FBXO10: variants seen among roughly 807,000 people sequenced by gnomAD.
FBXO10 encodes F-box only protein 10.
A neutral mutation model predicts 80.7 loss-of-function variants in FBXO10; 39 were observed. That is an observed-to-expected ratio of 0.48 (90% confidence interval 0.37 to 0.63). The LOEUF is 0.63. Ranked by LOEUF, FBXO10 falls within the 30% of genes least tolerant of loss-of-function variation. FBXO10 has a pLI of 0.00. For synonymous variants in FBXO10, 449 were observed against 489.6 expected (o/e 0.92, Z 1.09); for missense variants, 1,025 against 1,269.0 (o/e 0.81, Z 2.92).
intron 1 of FBXO10, among the ~76,000 whole-genome samples, chr9:37,565,144 A>T (rs1822572099): frequency 6.6e-6 from 1 of 152,064 alleles, no homozygotes; most frequent in South Asian, 2.1e-4. Context: ...GCTTGCACTC[A>T]TCTCTCTCCT....
In FBXO10 at chr9:37,541,573, C is replaced by A; in HGVS notation, c.196G>T (p.Val66Leu). 1 of 1,613,790 alleles carries A rather than the reference C, an allele frequency of 6.2e-7. No homozygotes were observed. The change falls in exon 2 of 11, where the codon GTG becomes TTG. Residue 66 changes from valine to leucine, a missense_variant. By Grantham distance (32) the Val-to-Leu change is conservative. This residue lies in a region of FBXO10 where 450 missense variants were observed against 499.4 expected (regional missense o/e 0.90). Transcript: ENST00000432825. ...GCTTCTCTCCAAGACTCAGGCTCCA[C>A]ATCTGGCTGGTTGGGCCAATTGGGA... ...RHPNWPNQPDVEPESWREAFK... is the reference protein window; with the variant it reads ...RHPNWPNQPDLEPESWREAFK...
rs903788290 is a variant in FBXO10 at position 37,537,092 on chromosome 9, C to T, written c.1419+18G>A. 6.3e-7 allele frequency: 1 copy of T among 1,576,866 alleles called. No individual in the cohort carries two copies. The highest frequency in any genetic ancestry group is 8.7e-7 in the Non-Finnish European group (1 of 1,155,276). ...TAGCCACAGGAGCCCCCTGACCAAT[C>T]TAAAGTCATGACAGCACCTTGCTAT... On this transcript the variant is annotated intron_variant, in intron 3 of 10. Transcript: ENST00000432825.
intron 6 of FBXO10, among the ~76,000 whole-genome samples, chr9:37,524,737 A>G (rs1821425672): frequency 6.6e-6 from 1 of 152,134 alleles, no homozygotes; most frequent in African/African-American, 2.4e-5. Context: ...TTAAGCTAAG[A>G]CCCAAAGGAT....
intron 8 of FBXO10, 113 bp downstream of exon 8, chr9:37,521,456 A>G (rs992785476): frequency 1.7e-5 from 22 of 1,300,152 alleles, no homozygotes; most frequent in Non-Finnish European, 2.1e-5. Flanking sequence ...CATCTTTGAC[A>G]TTAAAGTTTA....
intron 8 of FBXO10, among the ~76,000 whole-genome samples, chr9:37,520,439 AT>A (rs1231652083): frequency 1.3e-5 from 2 of 148,496 alleles, no homozygotes; most frequent in Non-Finnish European, 3.0e-5. Context: ...GGCTCAAGCG[AT>A]CCCCCCGCCT....
intron 10 of FBXO10, among the ~76,000 whole-genome samples, 157 bp from the exon 11 acceptor site, chr9:37,512,878 TG>T (rs1190874860): frequency 6.6e-6 from 1 of 152,176 alleles, no homozygotes; most frequent in Non-Finnish European, 1.5e-5. Context: ...TCCAAAGAGG[TG>T]GGCTGTTGAG....
At chr9:37,553,012 T>TTG (rs74171513) in intron 1 of FBXO10, among the ~76,000 whole-genome samples, 8,793 of 144,368 alleles carry the variant, frequency 0.061, 255 homozygotes, top group Middle Eastern at 0.16. Context: ...CCAATTCAGG[T>TTG]TGTGTGTGTG....
At position 37,545,233 on chromosome 9, in the gene FBXO10, G is replaced by C. The variant is rs1302636131; in HGVS notation, c.-6-3459C>G. On this transcript the variant is annotated intron_variant, in intron 1 of 10. Transcript: ENST00000432825. The stretch of plus-strand genomic sequence containing the variant: ...ACTCTACCACCCAGACTGGAGTGCA[G>C]TGGTGCGATCTCGGCTCACTGCAAC... Among the ~76,000 whole-genome samples the C allele has an allele frequency of 3.8e-5, 5 of 132,090 alleles. No individual in the cohort carries two copies. In the East Asian group the frequency reaches 1.0e-3, roughly 27 times the overall value. The allele number at this position is 132,090 out of a possible 152,430, so 86.7% of individuals were successfully genotyped here.
chr9:37,575,860 G>A (rs777326688), intron 1 of FBXO10, among the ~76,000 whole-genome samples: 11 of 152,170 alleles, frequency 7.2e-5, no homozygotes, highest in Non-Finnish European at 1.2e-4. Flanking sequence ...CCCATCCCAA[G>A]AGTCAGCTTC....
At chr9:37,527,821 A>G (rs1331867894) in intron 5 of FBXO10, among the ~76,000 whole-genome samples, 1 of 152,228 alleles carries the variant, frequency 6.6e-6, no homozygotes, top group Non-Finnish European at 1.5e-5. Flanking sequence ...TCTTCTGTTC[A>G]GGCAATAATG....
At chr9:37,513,318 C>A (rs1821109562) in intron 10 of FBXO10, among the ~76,000 whole-genome samples, 1 of 152,132 alleles carries the variant, frequency 6.6e-6, no homozygotes, top group African/African-American at 2.4e-5. Flanking sequence ...CATTTCTTTT[C>A]AGCTCTATGA....
chr9:37,519,097 GAC>G (rs1821261572), intron 8 of FBXO10, among the ~76,000 whole-genome samples: 2 of 152,032 alleles, frequency 1.3e-5, no homozygotes, highest in Admixed American at 6.5e-5. Flanking sequence ...TTTTAGTAGA[GAC>G]ATGGTTTCAC....
In FBXO10 at chr9:37,523,094, C is replaced by T. The variant is rs1821382742; in HGVS notation, c.1778-117G>A. 2.6e-6 allele frequency: 3 copies of T among 1,155,854 alleles called. No homozygotes were observed. In the South Asian group the frequency reaches 4.6e-5, roughly 18 times the overall value. The allele number at this position is 1,155,854 out of a possible 1,614,324, so 71.6% of individuals were successfully genotyped here. On this transcript the variant is annotated intron_variant, in intron 6 of 10. Coordinates refer to ENST00000432825, the MANE Select transcript of FBXO10 (RefSeq NM_012166.3). ...CAGACCAGAAGGCCCTGGCCTTACC[C>T]TGCCAGCAATTAGCACTGTAAATCT...
In FBXO10 at chr9:37,527,735, G is replaced by A. The variant is rs979823543; in HGVS notation, c.1706+1389C>T. Among the ~76,000 whole-genome samples the A allele has an allele frequency of 3.3e-5, 5 of 152,144 alleles. No homozygotes were observed. The South Asian group carries it at 6.2e-4, about 19-fold the overall frequency. Reference sequence around the variant, plus strand: ...GGCAGGGACTGTTCTTGTACATGTTGTATATCACTGCCCCCTTATATAGAG... The same window carrying A: ...GGCAGGGACTGTTCTTGTACATGTTATATATCACTGCCCCCTTATATAGAG... On this transcript the variant is annotated intron_variant, in intron 5 of 10. Coordinates refer to ENST00000432825, the MANE Select transcript of FBXO10 (RefSeq NM_012166.3).
chr9:37,541,114 A>AAAGCCCAGAAAAGAGGGC, intron 2 of FBXO10, 70 bp downstream of exon 2: 2 of 1,371,152 alleles, frequency 1.5e-6, no homozygotes, highest in Non-Finnish European at 2.0e-6. Flanking sequence ...AAAGGGATTA[A>AAAGCCCAGAAAAGAGGGC]AAGCCCAGAA....
At chr9:37,564,144 T>C (rs1338940653) in intron 1 of FBXO10, among the ~76,000 whole-genome samples, 8 of 152,234 alleles carry the variant, frequency 5.3e-5, no homozygotes, top group African/African-American at 1.7e-4. Context: ...GCTTGGGCCA[T>C]TGCTTCAGAG....
intron 5 of FBXO10, among the ~76,000 whole-genome samples, chr9:37,528,547 T>C (rs1434387388): frequency 6.6e-6 from 1 of 152,172 alleles, no homozygotes; most frequent in Non-Finnish European, 1.5e-5. Flanking sequence ...ACTCTGATGC[T>C]ACCTCCTAAA....
At chr9:37,520,386 A>G (rs1821307485) in intron 8 of FBXO10, among the ~76,000 whole-genome samples, 1 of 147,558 alleles carries the variant, frequency 6.8e-6, no homozygotes, top group South Asian at 2.1e-4. Context: ...AGCACCTAGA[A>G]TACCGTGGTG....
chr9:37,523,100 G>T, intron 6 of FBXO10, 123 bp from the exon 7 acceptor site: 1 of 1,050,910 alleles, frequency 9.5e-7, no homozygotes, highest in Non-Finnish European at 1.4e-6. Context: ...TACCCTGCCA[G>T]CAATTAGCAC....
Sources: allele counts gnomAD v4.1 joint callset (sites outside exome capture counted in the v4.1 genomes callset), GRCh38; gene constraint gnomAD v4.1.1; regional missense constraint gnomAD v4.1.1; transcripts MANE v1.5; gene names NCBI Gene and HGNC (gene_info 2026-07-23, HGNC 2026-07-21).